The following EML5 variants were observed in gnomAD, a reference collection of about 807,000 sequenced individuals.
EML5 encodes the protein echinoderm microtubule-associated protein-like 5.
In EML5, 120 loss-of-function variants were observed where a neutral mutation model predicts 250.0. The observed-to-expected ratio is 0.48, with a 90% CI of 0.41 to 0.56. The LOEUF is 0.56. EML5 is among the 20% of genes least tolerant of loss of function. The pLI, the probability that EML5 is intolerant of heterozygous loss-of-function variation, is 0.00. For synonymous variants in EML5, 771 were observed against 806.5 expected, an observed-to-expected ratio of 0.96 and a Z score of 0.75; for missense variants, 2,006 against 2,437.6, an observed-to-expected ratio of 0.82 and a Z score of 3.73.
chr14:88,656,307 G>C (rs1157285921), intron 27 of EML5, among the ~76,000 whole-genome samples: 2 of 152,168 alleles, frequency 1.3e-5, no homozygotes, highest in Non-Finnish European at 2.9e-5. Context: ...ATGAGTTCAT[G>C]TCCTTTGCAG....
intron 21 of EML5, among the ~76,000 whole-genome samples, chr14:88,668,402 G>A (rs1371958281): frequency 6.6e-5 from 10 of 151,976 alleles, no homozygotes; most frequent in Non-Finnish European, 1.3e-4. Flanking sequence ...AGACACGCAC[G>A]GGTTCCAGAG....
chr14:88,754,728 A>G, intron 1 of EML5, 57 bp from the exon 2 acceptor site: 1 of 1,433,926 alleles, frequency 7.0e-7, no homozygotes, highest in Non-Finnish European at 9.6e-7. Flanking sequence ...TACAGATTTT[A>G]TAGTATTTGG....
At chr14:88,714,333 T>C (rs1486809568) in intron 9 of EML5, among the ~76,000 whole-genome samples, 1 of 152,138 alleles carries the variant, frequency 6.6e-6, no homozygotes. Flanking sequence ...CCAAAGCAGT[T>C]TTAATTAAGA....
At chr14:88,659,443 C>G (rs1304097798) in intron 25 of EML5, among the ~76,000 whole-genome samples, 1 of 152,198 alleles carries the variant, frequency 6.6e-6, no homozygotes, top group African/African-American at 2.4e-5. Context: ...AACTCCTGAC[C>G]TCAGGTGATC....
intron 14 of EML5, among the ~76,000 whole-genome samples, chr14:88,697,363 GGCTGT>G (rs1450127826): frequency 6.6e-6 from 1 of 152,154 alleles, no homozygotes; most frequent in Non-Finnish European, 1.5e-5. Context: ...AACATGAAAA[GGCTGT>G]GCAGAATGAG....
At chr14:88,791,859 G>A (rs555991349) in intron 1 of EML5, among the ~76,000 whole-genome samples, 1 of 152,150 alleles carries the variant, frequency 6.6e-6, no homozygotes, top group Non-Finnish European at 1.5e-5. Context: ...CCCTGGGCGC[G>A]CTCCCCGGGA....
intron 24 of EML5, among the ~76,000 whole-genome samples, chr14:88,662,425 C>T (rs1455207800): frequency 1.5e-5 from 2 of 135,812 alleles, no homozygotes; most frequent in Non-Finnish European, 3.0e-5. Context: ...TTCCTAAGGA[C>T]GTGGCAGATA....
At chr14:88,718,974 A>T (rs1326221274) in intron 8 of EML5, among the ~76,000 whole-genome samples, 2 of 152,290 alleles carry the variant, frequency 1.3e-5, no homozygotes, top group African/African-American at 2.4e-5. Context: ...TTGAAGAAAA[A>T]TTTTAAATGA....
chr14:88,791,274 C>T (rs2140903053), intron 1 of EML5, among the ~76,000 whole-genome samples: 1 of 152,300 alleles, frequency 6.6e-6, no homozygotes, highest in East Asian at 1.9e-4. Context: ...AATTTAAATC[C>T]TGTGCAACAT....
intron 10 of EML5, among the ~76,000 whole-genome samples, chr14:88,710,197 G>C (rs1417149763): frequency 6.6e-6 from 1 of 151,954 alleles, no homozygotes. Flanking sequence ...GGATGATAAT[G>C]AAGAAAAAAA....
At chr14:88,690,816 G>T (rs1376067922) in intron 17 of EML5, among the ~76,000 whole-genome samples, 1 of 152,272 alleles carries the variant, frequency 6.6e-6, no homozygotes, top group African/African-American at 2.4e-5. Context: ...ATGAGAGAAA[G>T]AATCTAGTGC....
intron 25 of EML5, among the ~76,000 whole-genome samples, chr14:88,661,289 C>T (rs2092091688): frequency 6.6e-6 from 1 of 152,164 alleles, no homozygotes; most frequent in South Asian, 2.1e-4. Flanking sequence ...GGAAGTCTTG[C>T]TATGCTGCCC....
At chr14:88,659,140 G>A (rs919299965) in intron 25 of EML5, among the ~76,000 whole-genome samples, 14 of 152,126 alleles carry the variant, frequency 9.2e-5, no homozygotes, top group Admixed American at 8.5e-4. Flanking sequence ...TCATAAAGCA[G>A]GTTTTCCGTT....
At chr14:88,734,438 T>C (rs1045644716) in intron 7 of EML5, among the ~76,000 whole-genome samples, 3 of 151,970 alleles carry the variant, frequency 2.0e-5, no homozygotes. Context: ...AATGAATTCT[T>C]AGGGGTAAAA....
intron 21 of EML5, among the ~76,000 whole-genome samples, chr14:88,676,983 C>A (rs1160846327): frequency 6.6e-6 from 1 of 152,214 alleles, no homozygotes; most frequent in Non-Finnish European, 1.5e-5. Context: ...TGGCTCACTG[C>A]AACCTTCACC....
At chr14:88,655,635 T>C (rs894289195) in intron 27 of EML5, among the ~76,000 whole-genome samples, 8 of 152,166 alleles carry the variant, frequency 5.3e-5, no homozygotes, top group African/African-American at 1.7e-4. Flanking sequence ...TGGGATCTAA[T>C]TAAACTAAAG....
chr14:88,771,553 C>A (rs1340048667), intron 1 of EML5, among the ~76,000 whole-genome samples: 1 of 152,158 alleles, frequency 6.6e-6, no homozygotes, highest in Non-Finnish European at 1.5e-5. Flanking sequence ...ACCCATCATC[C>A]CATTTCTCTG....
chr14:88,660,275 G>A (rs542097666), intron 25 of EML5, among the ~76,000 whole-genome samples: 7 of 140,586 alleles, frequency 5.0e-5, no homozygotes, highest in South Asian at 4.6e-4. Flanking sequence ...AGAGAGAGAC[G>A]CTGTCTTAAA....
intron 32 of EML5, among the ~76,000 whole-genome samples, chr14:88,638,045 C>T (rs1184659862): frequency 6.6e-6 from 1 of 152,106 alleles, no homozygotes; most frequent in African/African-American, 2.4e-5. Context: ...TTATCTTAGT[C>T]AAGAAGAAAA....
Sources: gnomAD v4.1 joint callset for allele counts (sites outside exome capture counted in the v4.1 genomes callset) on GRCh38, gnomAD v4.1.1 for gene constraint, MANE v1.5 for transcripts, NCBI Gene and HGNC (gene_info 2026-07-23, HGNC 2026-07-21) for gene names.